Variants in NCAM2 observed in about 807,000 individuals in gnomAD.
NCAM2 encodes N-CAM-2.
In NCAM2, 30 loss-of-function variants were observed where a neutral mutation model predicts 98.1. That is an observed-to-expected ratio of 0.31 (90% CI 0.23 to 0.41). The LOEUF (loss-of-function observed/expected upper bound fraction) is 0.41. NCAM2 is among the 10% of genes least tolerant of loss of function. NCAM2 has a pLI of 1.00. For missense variants in NCAM2, 867 were observed against 1,005.8 expected (o/e 0.86, Z 1.87); for synonymous variants, 368 against 342.4 (o/e 1.07, Z -0.83).
At chr21:21,137,830 A>G (rs1184411175) in intron 1 of NCAM2, among the ~76,000 whole-genome samples, 1 of 144,068 alleles carries the variant, frequency 6.9e-6, no homozygotes, top group African/African-American at 2.7e-5. Context: ...TTTTGAAAGC[A>G]GTCGTCACTT....
At chr21:21,106,721 A>AT (rs1468401955) in intron 1 of NCAM2, among the ~76,000 whole-genome samples, 2 of 151,936 alleles carry the variant, frequency 1.3e-5, no homozygotes, top group Non-Finnish European at 2.9e-5. Flanking sequence ...CTGATCATTA[A>AT]TAAAAAAAAA....
chr21:21,479,501 G>A (rs551309421), intron 15 of NCAM2, among the ~76,000 whole-genome samples: 113 of 150,000 alleles, frequency 7.5e-4, no homozygotes, highest in Middle Eastern at 3.4e-3. Context: ...GGAGAATGGA[G>A]TGGACCCGGG....
chr21:21,172,876 A>G (rs1368813181), intron 1 of NCAM2, among the ~76,000 whole-genome samples: 1 of 152,170 alleles, frequency 6.6e-6, no homozygotes, highest in African/African-American at 2.4e-5. Context: ...TATTTTATAA[A>G]GAAGAACTAC....
chr21:21,308,506 T>C (rs1385458597), intron 5 of NCAM2, among the ~76,000 whole-genome samples: 3 of 152,178 alleles, frequency 2.0e-5, no homozygotes, highest in Non-Finnish European at 4.4e-5. Flanking sequence ...CCTCTGTACA[T>C]AAAGTATCCC....
chr21:21,100,625 TA>T (rs1158663216), intron 1 of NCAM2, among the ~76,000 whole-genome samples: 2 of 152,092 alleles, frequency 1.3e-5, no homozygotes, highest in Non-Finnish European at 2.9e-5. Context: ...ATTACTTCAG[TA>T]GTAGAAAGCG....
intron 16 of NCAM2, among the ~76,000 whole-genome samples, chr21:21,527,589 T>C (rs1989398371): frequency 6.6e-6 from 1 of 151,956 alleles, no homozygotes. Flanking sequence ...AAATAGTAAA[T>C]AAGCTTATGA....
chr21:21,302,584 T>C (rs1445100353), intron 5 of NCAM2, among the ~76,000 whole-genome samples: 1 of 152,060 alleles, frequency 6.6e-6, no homozygotes, highest in Admixed American at 6.6e-5. Flanking sequence ...AAGGCTATTA[T>C]TAAAAAGTCA....
intron 14 of NCAM2, 93 bp from the exon 15 acceptor site, chr21:21,477,198 A>G: frequency 2.2e-6 from 2 of 930,016 alleles, no homozygotes; most frequent in South Asian, 2.6e-5. Context: ...TATCCAATAT[A>G]AGTATATTGT....
chr21:21,116,035 G>C (rs1038177204), intron 1 of NCAM2, among the ~76,000 whole-genome samples: 1 of 151,370 alleles, frequency 6.6e-6, no homozygotes, highest in South Asian at 2.1e-4. Flanking sequence ...GTGTGTGTGT[G>C]TGTGTGTGTG....
intron 1 of NCAM2, among the ~76,000 whole-genome samples, chr21:21,275,162 C>G (rs917491721): frequency 6.6e-6 from 1 of 151,828 alleles, no homozygotes; most frequent in African/African-American, 2.4e-5. Flanking sequence ...AAATTTGGAC[C>G]GGGCGCGGTG....
intron 1 of NCAM2, among the ~76,000 whole-genome samples, chr21:21,229,095 A>T (rs924905641): frequency 8.6e-5 from 13 of 151,372 alleles, no homozygotes; most frequent in Non-Finnish European, 1.8e-4. Context: ...TTCTTCCATT[A>T]TTTTCTCTAC....
chr21:21,434,126 A>T (rs2077415545), intron 12 of NCAM2, among the ~76,000 whole-genome samples: 1 of 152,238 alleles, frequency 6.6e-6, no homozygotes, highest in Non-Finnish European at 1.5e-5. Flanking sequence ...TCAGAGGCAG[A>T]TCACTATGTT....
At chr21:21,439,545 A>G (rs1453305561) in intron 12 of NCAM2, among the ~76,000 whole-genome samples, 1 of 152,160 alleles carries the variant, frequency 6.6e-6, no homozygotes, top group African/African-American at 2.4e-5. Flanking sequence ...TGTTTTTTAT[A>G]TACCTTTTTT....
chr21:21,468,395 C>A (rs1983998018), intron 13 of NCAM2, among the ~76,000 whole-genome samples: 1 of 151,968 alleles, frequency 6.6e-6, no homozygotes, highest in Non-Finnish European at 1.5e-5. Flanking sequence ...CAATGCTATA[C>A]TTTTCTCAGA....
chr21:21,116,333 A>G (rs1203161441), intron 1 of NCAM2, among the ~76,000 whole-genome samples: 3 of 152,140 alleles, frequency 2.0e-5, no homozygotes, highest in Non-Finnish European at 4.4e-5. Flanking sequence ...ATGAGAGATT[A>G]TATAAATTAA....
intron 1 of NCAM2, among the ~76,000 whole-genome samples, chr21:21,136,363 A>G (rs899782014): frequency 1.3e-5 from 2 of 152,262 alleles, no homozygotes; most frequent in African/African-American, 2.4e-5. Flanking sequence ...GAGCAACACT[A>G]TAGAACACCA....
intron 12 of NCAM2, among the ~76,000 whole-genome samples, chr21:21,452,835 A>G (rs1981422664): frequency 9.6e-6 from 1 of 104,708 alleles, no homozygotes; most frequent in South Asian, 2.7e-4. Context: ...TATATATAAT[A>G]TATAATGTAT....
chr21:21,132,401 T>TTC (rs1439501712), intron 1 of NCAM2, among the ~76,000 whole-genome samples: 2 of 151,684 alleles, frequency 1.3e-5, no homozygotes, highest in Admixed American at 1.3e-4. Flanking sequence ...AGTCTTTTTT[T>TTC]TTTCATATAA....
intron 1 of NCAM2, among the ~76,000 whole-genome samples, chr21:21,005,381 GA>G (rs561854846): frequency 9.0e-4 from 136 of 151,146 alleles, no homozygotes; most frequent in African/African-American, 2.7e-3. Context: ...TTATTTAACA[GA>G]AAAAAAAGGT....
Sources: gnomAD v4.1 joint callset for allele counts (sites outside exome capture counted in the v4.1 genomes callset) on GRCh38, gnomAD v4.1.1 for gene constraint, MANE v1.5 for transcripts, NCBI Gene and HGNC (gene_info 2026-07-23, HGNC 2026-07-21) for gene names.